Variants in EFCAB6 observed in about 807,000 individuals in gnomAD.
EFCAB6 encodes EF-hand calcium-binding domain-containing protein 6.
Under a neutral mutation model 169.8 loss-of-function variants are expected in EFCAB6, and 156 were observed. The observed-to-expected ratio is 0.92, with a 90% confidence interval of 0.81 to 1.05. The LOEUF (loss-of-function observed/expected upper bound fraction) is 1.05. EFCAB6 is among the 50% of genes least tolerant of loss of function. The pLI is 0.00. For missense variants in EFCAB6, 1,800 were observed against 1,829.1 expected (o/e 0.98, Z 0.29); for synonymous variants, 698 against 676.4 (o/e 1.03, Z -0.50).
chr22:43,655,170 T>C (rs1302390486), intron 17 of EFCAB6, among the ~76,000 whole-genome samples: 2 of 152,032 alleles, frequency 1.3e-5, no homozygotes, highest in Admixed American at 6.5e-5. Context: ...GGCAGGAGAA[T>C]TGCTTAAACC....
At chr22:43,701,847 A>G (rs893969744) in intron 10 of EFCAB6, among the ~76,000 whole-genome samples, 17 of 152,292 alleles carry the variant, frequency 1.1e-4, no homozygotes, top group African/African-American at 3.8e-4. Flanking sequence ...GATTATGTTA[A>G]AATGTAAACT....
intron 26 of EFCAB6, chr22:43,569,975 G>A (rs1324723472): frequency 6.6e-6 from 1 of 152,056 alleles, no homozygotes; most frequent in Non-Finnish European, 1.5e-5. Flanking sequence ...TTGAAAATAC[G>A]TAGACACCAT....
Position 43,734,879 on chromosome 22 carries a change from C to T in EFCAB6, c.644+978G>A, listed in dbSNP as rs925783593. Among the ~76,000 whole-genome samples, 17 of 152,348 alleles carry T rather than the reference C, an allele frequency of 1.1e-4. No homozygotes were observed. The East Asian group carries it at 3.1e-3, about 28-fold the overall frequency. On this transcript the variant is annotated intron_variant, in intron 7 of 31. Transcript: ENST00000262726. ...AGGGGCAAATTCTTCCACTCTGCTT[C>T]TAGCAGCAGCCACATTGTCTTTATG...
At chr22:43,692,884 G>C (rs1458813207) in intron 10 of EFCAB6, among the ~76,000 whole-genome samples, 2 of 152,102 alleles carry the variant, frequency 1.3e-5, no homozygotes, top group Admixed American at 1.3e-4. Flanking sequence ...ACAGATTTAA[G>C]ATACACAACA....
chr22:43,784,664 C>CATATATATGTGTAT (rs1256765173), intron 2 of EFCAB6, among the ~76,000 whole-genome samples: 2 of 69,132 alleles, frequency 2.9e-5, no homozygotes, highest in African/African-American at 1.1e-4. Flanking sequence ...TGTATATATA[C>CATATATATGTGTAT]ATATACATAT....
chr22:43,708,173 G>A (rs1001067333), intron 10 of EFCAB6, among the ~76,000 whole-genome samples: 1 of 151,940 alleles, frequency 6.6e-6, no homozygotes, highest in Non-Finnish European at 1.5e-5. Context: ...TTGGGAGGCT[G>A]AGGTGGGCAG....
At chr22:43,640,343 G>A (rs1175628344) in intron 17 of EFCAB6, among the ~76,000 whole-genome samples, 3 of 152,150 alleles carry the variant, frequency 2.0e-5, no homozygotes, top group Non-Finnish European at 2.9e-5. Context: ...TGTTCGAGCA[G>A]GCAGTAGGCT....
chr22:43,580,097 T>C (rs2050620313), intron 25 of EFCAB6, among the ~76,000 whole-genome samples: 2 of 152,144 alleles, frequency 1.3e-5, no homozygotes, highest in Non-Finnish European at 2.9e-5. Flanking sequence ...CTGGCTCAGT[T>C]CAACCTCTTC....
intron 17 of EFCAB6, among the ~76,000 whole-genome samples, chr22:43,663,126 C>T (rs1418626463): frequency 6.6e-6 from 1 of 152,238 alleles, no homozygotes; most frequent in Admixed American, 6.5e-5. Flanking sequence ...ATGGTAGGTG[C>T]AGCTATCACA....
chr22:43,602,367 G>A (rs1044859928), intron 22 of EFCAB6, among the ~76,000 whole-genome samples: 55 of 152,324 alleles, frequency 3.6e-4, no homozygotes, highest in African/African-American at 1.3e-3. Context: ...GCTTCTCTTT[G>A]GCTGTTGAAG....
At chr22:43,668,258 T>G (rs1413100833) in intron 16 of EFCAB6, among the ~76,000 whole-genome samples, 1 of 152,232 alleles carries the variant, frequency 6.6e-6, no homozygotes, top group Non-Finnish European at 1.5e-5. Flanking sequence ...ATTTTACCTT[T>G]CATTATGAAT....
chr22:43,811,331 G>C (rs1569499179), intron 1 of EFCAB6, among the ~76,000 whole-genome samples: 2 of 131,796 alleles, frequency 1.5e-5, no homozygotes, highest in Non-Finnish European at 3.3e-5. Context: ...GGAAGGGGAG[G>C]GGAGGAGAGA....
At chr22:43,574,034 C>T (rs2050068348) in intron 26 of EFCAB6, among the ~76,000 whole-genome samples, 1 of 151,954 alleles carries the variant, frequency 6.6e-6, no homozygotes, top group Non-Finnish European at 1.5e-5. Flanking sequence ...CCCTTGACTC[C>T]AGTTATTTTA....
At chr22:43,661,699 G>T (rs1156799003) in intron 17 of EFCAB6, among the ~76,000 whole-genome samples, 1 of 152,192 alleles carries the variant, frequency 6.6e-6, no homozygotes, top group East Asian at 1.9e-4. Flanking sequence ...CCTCCACCAG[G>T]AGGCATGCGT....
chr22:43,672,628 C>G (rs2057541833), intron 13 of EFCAB6, among the ~76,000 whole-genome samples: 1 of 152,048 alleles, frequency 6.6e-6, no homozygotes, highest in South Asian at 2.1e-4. Context: ...TAAGTGGGAG[C>G]TAAATGATGA....
At chr22:43,746,078 A>G (rs568636248) in intron 6 of EFCAB6, among the ~76,000 whole-genome samples, 130 of 152,192 alleles carry the variant, frequency 8.5e-4, no homozygotes, top group Non-Finnish European at 1.7e-3. Flanking sequence ...AAAAAATTAG[A>G]CTACATTCAG....
intron 3 of EFCAB6, among the ~76,000 whole-genome samples, chr22:43,780,102 A>G (rs2061766731): frequency 6.6e-6 from 1 of 152,240 alleles, no homozygotes; most frequent in South Asian, 2.1e-4. Flanking sequence ...TAGGATACTT[A>G]GAAATGAGCA....
At chr22:43,749,683 C>T (rs2147813943) in intron 6 of EFCAB6, among the ~76,000 whole-genome samples, 1 of 152,160 alleles carries the variant, frequency 6.6e-6, no homozygotes. Context: ...ATTCTGGTTC[C>T]CGACAGGCCA....
In EFCAB6 at chr22:43,744,781, C is replaced by T. The variant is rs1435441146; in HGVS notation, c.508-8788G>A. Among the ~76,000 whole-genome samples, 1 of 152,192 alleles carries T rather than the reference C, an allele frequency of 6.6e-6. No homozygotes were observed. Among genetic ancestry groups the T allele is most frequent in the Non-Finnish European group, 1.5e-5 (1 of 68,044 alleles). On this transcript the variant is annotated intron_variant, in intron 6 of 31. Coordinates refer to ENST00000262726, the MANE Select transcript of EFCAB6 (RefSeq NM_022785.4). This position sits in a 1 kb window ranked among gnomAD's most constrained non-coding sequence, Gnocchi z 4.3. ...CAGATAAGGGAGAGAGAGACATGCT[C>T]TCCTTCCCCAGCCCTCATCACAGAC... is the stretch of plus-strand genomic sequence containing the variant.
Sources: gnomAD v4.1 joint callset for allele counts (sites outside exome capture counted in the v4.1 genomes callset) on GRCh38, gnomAD v4.1.1 for gene constraint, Gnocchi (gnomAD v3.1) non-coding constraint, MANE v1.5 for transcripts, NCBI Gene and HGNC (gene_info 2026-07-23, HGNC 2026-07-21) for gene names.